CSNK1D: variants seen among roughly 807,000 people sequenced by gnomAD.
CSNK1D encodes casein kinase 1 delta.
Under a neutral mutation model 46.6 loss-of-function variants are expected in CSNK1D, and 16 were observed. The ratio of observed to expected loss-of-function variants is 0.34; its 90% CI spans 0.23 to 0.52. CSNK1D has a LOEUF of 0.52. Among genes scored for constraint, CSNK1D ranks in the 20% least tolerant of loss-of-function variants. CSNK1D has a pLI of 0.95. For missense variants in CSNK1D, 398 were observed against 578.4 expected (o/e 0.69, Z 3.20); for synonymous variants, 276 against 228.2 (o/e 1.21, Z -1.89).
rs1230599555 is a variant in CSNK1D, at chr17:82,273,610, C to G, written c.-229G>C. ...CCGCTGCTCCGGCCCCTACCGGTCC[C>G]GCTTGCCCTCTCCCCGCCGCGGATG... On this transcript the variant is annotated 5_prime_UTR_variant, in exon 1 of 9. Transcript: ENST00000314028. This position sits in a 1 kb window ranked among gnomAD's most constrained non-coding sequence, Gnocchi z 5.1. The G allele has an allele frequency of 8.9e-6, 5 of 562,164 alleles. No homozygotes were observed. The highest frequency in any genetic ancestry group is 2.0e-5 in the African/African-American group (1 of 49,654). The allele number at this position is 562,164 out of a possible 1,614,324, so 34.8% of individuals were successfully genotyped here.
At chr17:82,254,350 G>A (rs1335443116) in intron 3 of CSNK1D, 10 of 300,062 alleles carry the variant, frequency 3.3e-5, no homozygotes, top group Admixed American at 5.7e-5. Flanking sequence ...AAGCCAGTGC[G>A]CTGAGCCGCC....
intron 8 of CSNK1D, chr17:82,245,897 T>C: frequency 1.4e-6 from 2 of 1,441,840 alleles, no homozygotes; most frequent in South Asian, 2.4e-5. Flanking sequence ...CCAGCCCACC[T>C]GCAAGCTCCC....
At position 82,255,383 on chromosome 17, in the gene CSNK1D, C is replaced by T. The variant is rs919414858; in HGVS notation, c.336+46G>A. On this transcript the variant is annotated intron_variant, in intron 3 of 8. Transcript: ENST00000314028. This position sits in a 1 kb window ranked among gnomAD's most constrained non-coding sequence, Gnocchi z 5.9. The stretch of plus-strand genomic sequence containing the variant: ...GAACAGCACAAGCGAGTGGCTGATT[C>T]TATCAGACAGCAAGTGTGTGCCAAC... 6.2e-7 allele frequency: 1 copy of T among 1,605,688 alleles called. No individual in the cohort carries two copies. Among genetic ancestry groups the T allele is most frequent in the Non-Finnish European group, 8.5e-7 (1 of 1,172,366 alleles).
In CSNK1D at chr17:82,250,379, C is replaced by A; in HGVS notation, c.886-777G>T. On this transcript the variant is annotated intron_variant, in intron 6 of 8. Coordinates refer to ENST00000314028, the MANE Select transcript of CSNK1D (RefSeq NM_001893.6). This position sits in a 1 kb window ranked among gnomAD's most constrained non-coding sequence, Gnocchi z 4.6. ...GCACCGCCCAGACTCCTCATGCTGC[C>A]ATTTACGGAAAACGCTGGCCTAGCC... 2 of 401,488 alleles carry A rather than the reference C, an allele frequency of 5.0e-6. No homozygotes were observed. The highest frequency in any genetic ancestry group is 9.4e-6 in the Non-Finnish European group (2 of 211,934). The allele number at this position is 401,488 out of a possible 1,614,324, so 24.9% of individuals were successfully genotyped here. A position where few individuals can be genotyped will look rare whatever the true frequency, so the allele number is the denominator to read the frequency against.
At chr17:82,256,973 T>C (rs944457054) in intron 2 of CSNK1D, among the ~76,000 whole-genome samples, 7 of 152,214 alleles carry the variant, frequency 4.6e-5, no homozygotes, top group African/African-American at 1.7e-4. Flanking sequence ...CATTATTTTA[T>C]TGTTTTGAGA....
chr17:82,256,039 G>C (rs1485145161), intron 2 of CSNK1D, among the ~76,000 whole-genome samples: 1 of 152,230 alleles, frequency 6.6e-6, no homozygotes, highest in Non-Finnish European at 1.5e-5. Flanking sequence ...GATGTTGGTA[G>C]AAGTATTTGA....
Position 82,250,336 on chromosome 17 carries a change from T to G in CSNK1D, c.886-734A>C. 1.8e-6 allele frequency: 1 copy of G among 571,212 alleles called. No individual in the cohort carries two copies. Among genetic ancestry groups the G allele is most frequent in the Non-Finnish European group, 2.9e-6 (1 of 349,112 alleles). The allele number at this position is 571,212 out of a possible 1,614,324, so 35.4% of individuals were successfully genotyped here. Reference sequence around the variant, plus strand: ...ACACACAGACCGACACACCTGCGGCTGCAGCACCGTGCGGCCAGCACCGCC... The same window carrying G: ...ACACACAGACCGACACACCTGCGGCGGCAGCACCGTGCGGCCAGCACCGCC... On this transcript the variant is annotated intron_variant, in intron 6 of 8. Transcript: ENST00000314028. The surrounding 1 kb of genome is among the most constrained non-coding windows in gnomAD (Gnocchi z 4.6).
At position 82,251,154 on chromosome 17, in the gene CSNK1D, T is replaced by C. The variant is rs986739302; in HGVS notation, c.885+225A>G. 3 of 549,186 alleles carry C rather than the reference T, an allele frequency of 5.5e-6. No individual in the cohort carries two copies. 34.0% of individuals were successfully genotyped at this position (549,186 alleles called of 1,614,324 possible). On this transcript the variant is annotated intron_variant, in intron 6 of 8. Transcript: ENST00000314028. The surrounding 1 kb of genome is among the most constrained non-coding windows in gnomAD (Gnocchi z 4.5). ...CCTCCTGCTGTCCACACCCAGGAAT[T>C]CCATGGACCCCTCTGCGTTCCCTAA...
In CSNK1D at chr17:82,252,626, G is replaced by A. The variant is rs776198917; in HGVS notation, c.566-22C>T. On this transcript the variant is annotated intron_variant, in intron 4 of 8. Coordinates refer to ENST00000314028, the MANE Select transcript of CSNK1D (RefSeq NM_001893.6). The surrounding 1 kb of genome is among the most constrained non-coding windows in gnomAD (Gnocchi z 4.6). The stretch of plus-strand genomic sequence containing the variant: ...TGTTCTGAAAAGAAAAGGGAAAGGC[G>A]TGAAGAACGGCACTTGCGTGCTCAC... The A allele has an allele frequency of 3.1e-5, 50 of 1,610,798 alleles. 1 individual carries two copies. The Middle Eastern group carries it at 8.2e-4, about 26-fold the overall frequency.
chr17:82,262,395 G>T (rs575170846), intron 2 of CSNK1D, among the ~76,000 whole-genome samples: 1 of 152,326 alleles, frequency 6.6e-6, no homozygotes, highest in East Asian at 1.9e-4. Context: ...CCACTGCCCA[G>T]GGCTGCTATG....
chr17:82,246,629 C>T (rs763364971), intron 8 of CSNK1D: 222 of 1,004,692 alleles, frequency 2.2e-4, no homozygotes, highest in Non-Finnish European at 2.5e-4. Context: ...AGGCGGAGTC[C>T]GGGCTGGGGC....
chr17:82,264,153 C>G (rs2051408911), intron 2 of CSNK1D, among the ~76,000 whole-genome samples: 1 of 152,230 alleles, frequency 6.6e-6, no homozygotes, highest in African/African-American at 2.4e-5. Context: ...TTTCCCGTGA[C>G]AAAAGGGCTA....
chr17:82,254,817 G>A (rs1240053964), intron 3 of CSNK1D: 33 of 252,792 alleles, frequency 1.3e-4, no homozygotes, highest in South Asian at 1.8e-4. Flanking sequence ...CCGGGGCCTC[G>A]AGAAGCCAGT....
At chr17:82,259,988 G>T (rs756775246) in intron 2 of CSNK1D, among the ~76,000 whole-genome samples, 50 of 151,578 alleles carry the variant, frequency 3.3e-4, no homozygotes, top group Non-Finnish European at 6.2e-4. Flanking sequence ...GTGACTGATG[G>T]TGTACTGAGT....
intron 2 of CSNK1D, among the ~76,000 whole-genome samples, chr17:82,263,504 C>A (rs1171695884): frequency 6.6e-6 from 1 of 152,238 alleles, no homozygotes; most frequent in Non-Finnish European, 1.5e-5. Flanking sequence ...CAACTAGGGG[C>A]AGGGGTGCTG....
rs140988157 is a variant in CSNK1D, at chr17:82,253,074, C to T, written c.507G>A (p.Glu169=). ...GCGCCGTCCCCGTGAGGTTCTTGTTCTCACGATAGGGGATGTGCTGGTGGG... is the reference window on the plus strand; with the variant it reads ...GCGCCGTCCCCGTGAGGTTCTTGTTTTCACGATAGGGGATGTGCTGGTGGG... ...ARTHQHIPYR[E]NKNLTGTARY... The change falls in exon 4 of 9, where the codon GAG becomes GAA. Residue 169 remains glutamate, a synonymous_variant. Coordinates refer to ENST00000314028, the MANE Select transcript of CSNK1D (RefSeq NM_001893.6). 1 of 1,614,208 alleles carries T rather than the reference C, an allele frequency of 6.2e-7. No homozygotes were observed. The highest frequency in any genetic ancestry group is 8.5e-7 in the Non-Finnish European group (1 of 1,180,038).
chr17:82,269,434 G>A (rs893708498), intron 1 of CSNK1D, among the ~76,000 whole-genome samples: 1 of 152,164 alleles, frequency 6.6e-6, no homozygotes, highest in Admixed American at 6.6e-5. Flanking sequence ...CTCATGGCTG[G>A]TCAGCATCTT....
intron 3 of CSNK1D, chr17:82,253,635 C>A: frequency 2.8e-6 from 1 of 356,008 alleles, no homozygotes; most frequent in East Asian, 7.3e-5. Context: ...CTGAGGAACC[C>A]ACTGAATGGA....
intron 8 of CSNK1D, chr17:82,246,273 G>A (rs1412670858): frequency 7.0e-7 from 1 of 1,435,656 alleles, no homozygotes; most frequent in Non-Finnish European, 9.2e-7. Flanking sequence ...GCCAACAATG[G>A]CATGGGACAG....
Sources: allele counts gnomAD v4.1 joint callset (sites outside exome capture counted in the v4.1 genomes callset), GRCh38; gene constraint gnomAD v4.1.1; non-coding constraint Gnocchi (gnomAD v3.1); transcripts MANE v1.5; gene names NCBI Gene and HGNC (gene_info 2026-07-23, HGNC 2026-07-21).